The following POGZ variants were observed in gnomAD, a reference collection of about 807,000 sequenced individuals.
POGZ encodes the protein pogo transposable element derived with ZNF domain, also known as pogo transposable element with ZNF domain.
A neutral mutation model predicts 134.6 loss-of-function variants in POGZ; 17 were observed. That is an observed-to-expected ratio of 0.13 (90% CI 0.09 to 0.19). The LOEUF (loss-of-function observed/expected upper bound fraction) is 0.19, where lower values mean the gene tolerates loss of function less well. Ranked by LOEUF, POGZ falls within the 10% of genes least tolerant of loss-of-function variation. POGZ has a pLI of 1.00. For synonymous variants in POGZ, 693 were observed against 657.1 expected (o/e 1.05, Z -0.84); for missense variants, 1,306 against 1,769.7 (o/e 0.74, Z 4.70).
chr1:151,404,926 C>A lies in POGZ; in HGVS notation c.4109G>T (p.Arg1370Leu). Residue 1370 changes from arginine (R) to leucine (L), a missense_variant, in exon 19 of 19, where the codon CGA becomes CTA. This residue lies in a region of POGZ where 107 missense variants were observed against 97.9 expected (regional missense o/e 1.09). Transcript: ENST00000271715. ...SGEHSESSTPRPRSSPEETIE... is the reference protein window; with the variant it reads ...SGEHSESSTPLPRSSPEETIE... ...TGTCTCTTCAGGAGATGATCTGGGTCGTGGAGTGGAAGACTCAGAATGTTC... is the reference window on the plus strand; with the variant it reads ...TGTCTCTTCAGGAGATGATCTGGGTAGTGGAGTGGAAGACTCAGAATGTTC... 6.2e-7 allele frequency: 1 copy of A among 1,614,158 alleles called. No homozygotes were observed. Among genetic ancestry groups the A allele is most frequent in the Non-Finnish European group, 8.5e-7 (1 of 1,180,046 alleles).
At chr1:151,444,257 T>C (rs1338922395) in intron 1 of POGZ, among the ~76,000 whole-genome samples, 1 of 152,232 alleles carries the variant, frequency 6.6e-6, no homozygotes, top group Non-Finnish European at 1.5e-5. Context: ...TTCTCTTATT[T>C]TCAGGCTTAA....
chr1:151,404,856 C>T lies in POGZ; in HGVS notation c.4179G>A (p.Glu1393=), dbSNP rs750740715. 1.2e-6 allele frequency: 2 copies of T among 1,613,914 alleles called. No homozygotes were observed. Among genetic ancestry groups the T allele is most frequent in the East Asian group, 4.5e-5 (2 of 44,868 alleles). ...SLHQLFEGES[E]TESFYGFEEA... ...CTTCAAAGCCATAGAAAGACTCGGT[C>T]TCACTTTCACCCTCAAAGAGCTGGT... The change falls in exon 19 of 19, where the codon GAG becomes GAA. Residue 1393 remains glutamate, a synonymous_variant. Transcript: ENST00000271715.
intron 3 of POGZ, among the ~76,000 whole-genome samples, chr1:151,436,510 C>G (rs1008174758): frequency 8.5e-5 from 13 of 152,054 alleles, no homozygotes; most frequent in African/African-American, 3.1e-4. Context: ...GTGGTGCGAT[C>G]TCAGCTCACA....
At chr1:151,410,209 A>C (rs1654425471) in intron 12 of POGZ, among the ~76,000 whole-genome samples, 1 of 152,258 alleles carries the variant, frequency 6.6e-6, no homozygotes, top group African/African-American at 2.4e-5. Flanking sequence ...AATAAAAGCA[A>C]TAAAAAACTC....
rs1653054521 is a variant in POGZ at position 151,403,494 on chromosome 1, G to T, written c.*1308C>A. The T allele has an allele frequency of 1.0e-6, 1 of 985,726 alleles. No homozygotes were observed. The allele number at this position is 985,726 out of a possible 1,614,324, so 61.1% of individuals were successfully genotyped here. A position where few individuals can be genotyped will look rare whatever the true frequency, so the allele number is the denominator to read the frequency against. ...AGCCTCAGGATAAACAGAAGACTTG[G>T]TTTTTTGCTCCTTTTCTCTGTACGG... On this transcript the variant is annotated 3_prime_UTR_variant, in exon 19 of 19. Transcript: ENST00000271715.
chr1:151,419,378 G>A (rs1409233401), intron 10 of POGZ, among the ~76,000 whole-genome samples: 2 of 151,400 alleles, frequency 1.3e-5, no homozygotes, highest in East Asian at 1.9e-4. Context: ...AGCTGAGCAC[G>A]GTGGCTCACA....
At chr1:151,451,697 C>T (rs1298906873) in intron 1 of POGZ, among the ~76,000 whole-genome samples, 1 of 151,840 alleles carries the variant, frequency 6.6e-6, no homozygotes, top group Non-Finnish European at 1.5e-5. Context: ...TAAGTATCAC[C>T]ACAAAGAAAT....
intron 1 of POGZ, among the ~76,000 whole-genome samples, chr1:151,446,985 GCCC>G (rs916914856): frequency 6.6e-6 from 1 of 152,010 alleles, no homozygotes; most frequent in Non-Finnish European, 1.5e-5. Context: ...CTTCATTTAT[GCCC>G]CCACTTCCCT....
intron 6 of POGZ, 33 bp from the exon 7 acceptor site, chr1:151,428,074 C>T: frequency 1.9e-6 from 3 of 1,613,294 alleles, no homozygotes; most frequent in Non-Finnish European, 1.7e-6. Context: ...ATCTGTTCTC[C>T]ACCCACCATC....
chr1:151,458,643 G>T (rs1663074759), intron 1 of POGZ, among the ~76,000 whole-genome samples: 1 of 141,608 alleles, frequency 7.1e-6, no homozygotes, highest in Admixed American at 7.0e-5. Flanking sequence ...TCGCCCCCTC[G>T]CCGGCCCCTC....
At chr1:151,421,842 T>C (rs2102261235) in intron 10 of POGZ, among the ~76,000 whole-genome samples, 1 of 152,344 alleles carries the variant, frequency 6.6e-6, no homozygotes, top group South Asian at 2.1e-4. Context: ...AACCTCTACC[T>C]CCTGGGATCA....
chr1:151,455,948 G>C (rs1171722456), intron 1 of POGZ, among the ~76,000 whole-genome samples: 1 of 136,930 alleles, frequency 7.3e-6, no homozygotes, highest in African/African-American at 2.8e-5. Flanking sequence ...TCACTATGCT[G>C]ACCAGGCTCA....
At chr1:151,409,030 A>T (rs1654181038) in intron 12 of POGZ, among the ~76,000 whole-genome samples, 3 of 152,196 alleles carry the variant, frequency 2.0e-5, no homozygotes. Context: ...ATATCAAAGA[A>T]AGATGGATTC....
chr1:151,444,122 G>C (rs1308002202), intron 1 of POGZ, among the ~76,000 whole-genome samples: 1 of 152,122 alleles, frequency 6.6e-6, no homozygotes, highest in Non-Finnish European at 1.5e-5. Flanking sequence ...GGTTTTAATG[G>C]GTAAAGTGCT....
At chr1:151,441,115 GGAGA>G (rs758137043) in intron 2 of POGZ, 29 bp from the exon 3 acceptor site, 1 of 1,597,666 alleles carries the variant, frequency 6.3e-7, no homozygotes, top group South Asian at 1.1e-5. Context: ...ATAGTCACTT[GGAGA>G]CAGGGACAGA....
intron 1 of POGZ, among the ~76,000 whole-genome samples, chr1:151,452,471 C>A (rs1485370509): frequency 6.6e-6 from 1 of 151,944 alleles, no homozygotes; most frequent in African/African-American, 2.4e-5. Context: ...CTGCCTCAGC[C>A]TCCCAAGTAG....
chr1:151,409,222 C>CT (rs1156240560), intron 12 of POGZ, among the ~76,000 whole-genome samples: 1 of 151,736 alleles, frequency 6.6e-6, no homozygotes, highest in African/African-American at 2.4e-5. Context: ...TAAAGTCATA[C>CT]TTTTTTTTCT....
intron 10 of POGZ, among the ~76,000 whole-genome samples, chr1:151,415,670 CAAAAAAA>C (rs749459920): frequency 1.8e-5 from 1 of 54,280 alleles, no homozygotes; most frequent in African/African-American, 5.6e-5. Flanking sequence ...GACTCCGTCT[CAAAAAAA>C]AAAAAAAAAA....
chr1:151,406,497 A>C, intron 18 of POGZ, 33 bp from the exon 19 acceptor site: 1 of 1,558,114 alleles, frequency 6.4e-7, no homozygotes, highest in Non-Finnish European at 8.6e-7. Context: ...GAAGAGGAGA[A>C]ATCTCAGTTC....
Sources: gnomAD v4.1 joint callset for allele counts (sites outside exome capture counted in the v4.1 genomes callset) on GRCh38, gnomAD v4.1.1 for gene constraint, gnomAD v4.1.1 regional missense constraint, MANE v1.5 for transcripts, NCBI Gene and HGNC (gene_info 2026-07-23, HGNC 2026-07-21) for gene names.